ADGRA3: variants seen among roughly 807,000 people sequenced by gnomAD.
The protein encoded by ADGRA3 is G-protein coupled receptor 125.
In ADGRA3, 56 loss-of-function variants were observed where a neutral mutation model predicts 119.8. That is an observed-to-expected ratio of 0.47 (90% CI 0.38 to 0.58). The LOEUF (loss-of-function observed/expected upper bound fraction) is 0.58. Ranked by LOEUF, ADGRA3 falls within the 20% of genes least tolerant of loss-of-function variation. ADGRA3 has a pLI of 0.00. For missense variants in ADGRA3, 1,516 were observed against 1,649.0 expected, an observed-to-expected ratio of 0.92 and a Z score of 1.40; for synonymous variants, 607 against 623.8, an observed-to-expected ratio of 0.97 and a Z score of 0.40.
chr4:22,434,101 T>C (rs1310482379), intron 10 of ADGRA3, among the ~76,000 whole-genome samples: 1 of 149,760 alleles, frequency 6.7e-6, no homozygotes, highest in Non-Finnish European at 1.5e-5. Flanking sequence ...TATTACCACA[T>C]TGCAAGTACT....
intron 1 of ADGRA3, among the ~76,000 whole-genome samples, chr4:22,507,128 T>C (rs1159103024): frequency 1.3e-5 from 2 of 151,918 alleles, no homozygotes; most frequent in African/African-American, 2.4e-5. Flanking sequence ...TAGTCCCAGC[T>C]ACTCAGGAGG....
chr4:22,480,623 A>G (rs1262293444), intron 1 of ADGRA3, among the ~76,000 whole-genome samples: 1 of 152,246 alleles, frequency 6.6e-6, no homozygotes, highest in South Asian at 2.1e-4. Flanking sequence ...TACCCTAAAG[A>G]CATACTTGCA....
chr4:22,461,872 C>T lies in ADGRA3; in HGVS notation c.330-64G>A, dbSNP rs1175509074. 4.0e-5 allele frequency: 39 copies of T among 977,140 alleles called. 1 individual carries two copies. In the South Asian group the frequency reaches 5.7e-4, roughly 14 times the overall value. The allele number at this position is 977,140 out of a possible 1,614,324, so 60.5% of individuals were successfully genotyped here. On this transcript the variant is annotated intron_variant, in intron 2 of 18. Transcript: ENST00000334304. ...CTGCAACAAGTATTCAGGCACAATA[C>T]ACTTACCTGCTATACAAAAAAAACA...
chr4:22,424,443 C>A (rs1207047711), intron 10 of ADGRA3, 91 bp from the exon 11 acceptor site: 1 of 1,386,276 alleles, frequency 7.2e-7, no homozygotes, highest in Admixed American at 2.1e-5. Context: ...GTGAGATTGG[C>A]CTTCAGTCTC....
chr4:22,493,898 G>A (rs1038553095), intron 1 of ADGRA3, among the ~76,000 whole-genome samples: 3 of 152,028 alleles, frequency 2.0e-5, no homozygotes, highest in Admixed American at 2.0e-4. Flanking sequence ...CAAAACCAAG[G>A]TGGCCACAAG....
chr4:22,397,175 CTTTTTTTTTTT>C (rs56918685), intron 16 of ADGRA3, among the ~76,000 whole-genome samples: 7 of 93,254 alleles, frequency 7.5e-5, no homozygotes, highest in African/African-American at 1.2e-4. Context: ...TACTGTAATT[CTTTTTTTTTTT>C]TTTTTTTTTT....
rs74344378 is a variant in ADGRA3, at chr4:22,461,129, A to C, written c.401+608T>G. On this transcript the variant is annotated intron_variant, in intron 3 of 18. Transcript: ENST00000334304. ...TACCTCTGTTTATATGGCATTTACA[A>C]CAGACACAGTTTGAATGGATTCATA... Among the ~76,000 whole-genome samples, 1,388 of 152,340 alleles carry C rather than the reference A, an allele frequency of 9.1e-3. 39 individuals are homozygous for C. Among genetic ancestry groups the C allele is most frequent in the Admixed American group, 0.048 (732 of 15,304 alleles).
chr4:22,512,356 T>A (rs1214119624), intron 1 of ADGRA3, among the ~76,000 whole-genome samples: 1 of 152,136 alleles, frequency 6.6e-6, no homozygotes, highest in Non-Finnish European at 1.5e-5. Context: ...TGAGACTTAG[T>A]CATGAATTTT....
In ADGRA3 at chr4:22,421,027, G is replaced by T. The variant is rs1324578819; in HGVS notation, c.1668C>A (p.Thr556=). 6.2e-7 allele frequency: 1 copy of T among 1,613,928 alleles called. No individual in the cohort carries two copies. The highest frequency in any genetic ancestry group is 8.5e-7 in the Non-Finnish European group (1 of 1,179,970). The change falls in exon 12 of 19, where the codon ACC becomes ACA. Residue 556 remains threonine, a synonymous_variant. Transcript: ENST00000334304. The part of the protein sequence containing the change: ...VIKSTGFTGM[T]CTVFQKVAAS... ...CTGCCACTTTCTGGAACACGGTACA[G>T]GTCATCCCCGTGAAGCCAGTAGACT... is the stretch of plus-strand genomic sequence containing the variant.
intron 17 of ADGRA3, among the ~76,000 whole-genome samples, chr4:22,391,895 GCTT>G (rs939607697): frequency 4.6e-5 from 7 of 151,792 alleles, no homozygotes; most frequent in Non-Finnish European, 8.8e-5. Flanking sequence ...AAAATTAATG[GCTT>G]CTTTCTTTAC....
rs144895749 is a variant in ADGRA3, at chr4:22,387,984, C to T, written c.3687G>A (p.Glu1229=). The T allele has an allele frequency of 3.2e-5, 51 of 1,614,166 alleles. No homozygotes were observed. The African/African-American group carries it at 5.9e-4, about 19-fold the overall frequency. Reference sequence around the variant, plus strand: ...CTTGCTGGGGTGGGTTGTACTGTCTCTCTCTGTAGGCTAAATAAGCTCTTC... The same window carrying T: ...CTTGCTGGGGTGGGTTGTACTGTCTTTCTCTGTAGGCTAAATAAGCTCTTC... ...RSRRAYLAYR[E]RQYNPPQQDS... The change falls in exon 19 of 19, where the codon GAG becomes GAA. Residue 1229 remains glutamate, a synonymous_variant. Transcript: ENST00000334304.
intron 1 of ADGRA3, among the ~76,000 whole-genome samples, chr4:22,495,496 TACCA>T (rs1345870607): frequency 6.6e-6 from 1 of 152,060 alleles, no homozygotes; most frequent in Non-Finnish European, 1.5e-5. Context: ...GGTGGGGGAC[TACCA>T]TTTTGGAAAT....
At chr4:22,421,653 T>C (rs1340291014) in intron 11 of ADGRA3, among the ~76,000 whole-genome samples, 1 of 151,940 alleles carries the variant, frequency 6.6e-6, no homozygotes, top group Non-Finnish European at 1.5e-5. Flanking sequence ...ATTTAAATAG[T>C]AGGAAATGGA....
intron 2 of ADGRA3, among the ~76,000 whole-genome samples, chr4:22,465,030 C>T (rs1717606333): frequency 1.3e-5 from 2 of 152,186 alleles, no homozygotes; most frequent in African/African-American, 4.8e-5. Flanking sequence ...GGAAACTCTG[C>T]CCACTCCATT....
At chr4:22,514,579 T>G (rs942895843) in intron 1 of ADGRA3, 1 of 152,202 alleles carries the variant, frequency 6.6e-6, no homozygotes, top group Non-Finnish European at 1.5e-5. Context: ...TTGATTCTTT[T>G]TTTAGGAAAC....
At chr4:22,435,247 T>C (rs938582195) in intron 10 of ADGRA3, 64 bp downstream of exon 10, 5 of 1,337,734 alleles carry the variant, frequency 3.7e-6, no homozygotes, top group South Asian at 2.6e-5. Flanking sequence ...AATACATAGA[T>C]TGAACTCTGT....
intron 4 of ADGRA3, among the ~76,000 whole-genome samples, chr4:22,450,027 G>T (rs2109084497): frequency 6.6e-6 from 1 of 152,276 alleles, no homozygotes; most frequent in East Asian, 1.9e-4. Flanking sequence ...ATTGCCATTT[G>T]TATGGCTGAA....
At chr4:22,426,230 CT>C (rs1355234861) in intron 10 of ADGRA3, among the ~76,000 whole-genome samples, 1 of 152,166 alleles carries the variant, frequency 6.6e-6, no homozygotes, top group Non-Finnish European at 1.5e-5. Context: ...CCACTTGACC[CT>C]CTGTAAAGTC....
rs1714182324 is a variant in ADGRA3, at chr4:22,392,632, G to A, written c.2540C>T (p.Ala847Val). 1 of 1,613,680 alleles carries A rather than the reference G, an allele frequency of 6.2e-7. No individual in the cohort carries two copies. The highest frequency in any genetic ancestry group is 1.3e-5 in the African/African-American group (1 of 74,956). Reference sequence around the variant, plus strand: ...AGTGACTTGTTTGTAGATATTTCGAGCTGTCACTCCTACCCATAGTACTGT... The same window carrying A: ...AGTGACTTGTTTGTAGATATTTCGAACTGTCACTCCTACCCATAGTACTGT... ...LATVLWVGVTARNIYKQVTKK... is the reference protein window; with the variant it reads ...LATVLWVGVTVRNIYKQVTKK... The change falls in exon 17 of 19, where the codon GCT (alanine) becomes GTT (valine). Residue 847 changes from alanine to valine, a missense_variant. This residue lies in a region of ADGRA3 where 1,088 missense variants were observed against 1,107.1 expected (regional missense o/e 0.98). Transcript: ENST00000334304.
Sources: allele counts gnomAD v4.1 joint callset (sites outside exome capture counted in the v4.1 genomes callset), GRCh38; gene constraint gnomAD v4.1.1; regional missense constraint gnomAD v4.1.1; transcripts MANE v1.5; gene names NCBI Gene and HGNC (gene_info 2026-07-23, HGNC 2026-07-21).